Variants in ATXN1 observed in about 807,000 individuals in gnomAD.
ATXN1 encodes the protein ataxin 1.
A neutral mutation model predicts 56.4 loss-of-function variants in ATXN1; 8 were observed. That is an observed-to-expected ratio of 0.14 (90% CI 0.08 to 0.26). The LOEUF (loss-of-function observed/expected upper bound fraction) is 0.26, where lower values mean the gene tolerates loss of function less well. ATXN1 is among the 10% of genes least tolerant of loss of function. ATXN1 has a pLI of 1.00. For missense variants in ATXN1, 987 were observed against 1,106.5 expected, an observed-to-expected ratio of 0.89 and a Z score of 1.53; for synonymous variants, 514 against 494.6, an observed-to-expected ratio of 1.04 and a Z score of -0.52.
At chr6:16,441,604 G>C (rs1055061068) in intron 6 of ATXN1, among the ~76,000 whole-genome samples, 2 of 151,904 alleles carry the variant, frequency 1.3e-5, no homozygotes, top group Admixed American at 1.3e-4. Context: ...AGAGATAAAG[G>C]AACACTAATC....
chr6:16,537,726 A>T (rs372008109), intron 4 of ATXN1, among the ~76,000 whole-genome samples: 53 of 151,912 alleles, frequency 3.5e-4, no homozygotes, highest in African/African-American at 1.2e-3. Flanking sequence ...AAAAAAAGAA[A>T]AAAAGAAAAA....
At chr6:16,454,496 C>G (rs926784499) in intron 6 of ATXN1, among the ~76,000 whole-genome samples, 1 of 152,184 alleles carries the variant, frequency 6.6e-6, no homozygotes, top group African/African-American at 2.4e-5. Flanking sequence ...TTGGATATAC[C>G]TGTAGCCCAT....
intron 5 of ATXN1, among the ~76,000 whole-genome samples, chr6:16,516,107 G>A (rs547798651): frequency 2.1e-3 from 323 of 152,300 alleles, no homozygotes; most frequent in Non-Finnish European, 4.1e-3. Context: ...TAATTTGCCC[G>A]TGTCCTTATG....
At chr6:16,606,787 C>T (rs1763014862) in intron 3 of ATXN1, among the ~76,000 whole-genome samples, 1 of 151,722 alleles carries the variant, frequency 6.6e-6, no homozygotes, top group South Asian at 2.1e-4. Context: ...CTCAGCCTCC[C>T]GAAGTGCTGG....
At chr6:16,610,616 G>A (rs559921882) in intron 3 of ATXN1, among the ~76,000 whole-genome samples, 1 of 152,164 alleles carries the variant, frequency 6.6e-6, no homozygotes, top group East Asian at 1.9e-4. Context: ...ATCCCAAGGA[G>A]CAACAAAAAC....
chr6:16,659,191 A>G (rs1281929048), intron 2 of ATXN1, among the ~76,000 whole-genome samples: 1 of 152,222 alleles, frequency 6.6e-6, no homozygotes, highest in Non-Finnish European at 1.5e-5. Context: ...CAACTGCCTG[A>G]AAATGGCAAA....
At chr6:16,704,430 TC>T (rs1297493655) in intron 2 of ATXN1, among the ~76,000 whole-genome samples, 1 of 151,734 alleles carries the variant, frequency 6.6e-6, no homozygotes, top group Non-Finnish European at 1.5e-5. Flanking sequence ...TCTGTACAGA[TC>T]AAAATCTCAA....
intron 6 of ATXN1, among the ~76,000 whole-genome samples, chr6:16,337,546 G>T (rs1349836684): frequency 6.6e-6 from 1 of 152,246 alleles, no homozygotes; most frequent in Non-Finnish European, 1.5e-5. Context: ...GATCCAAGCT[G>T]GTCCCAAATG....
intron 4 of ATXN1, among the ~76,000 whole-genome samples, chr6:16,544,873 G>A (rs1036612010): frequency 5.3e-5 from 8 of 152,146 alleles, no homozygotes; most frequent in African/African-American, 1.4e-4. Context: ...TGTAGGTGGG[G>A]AGGTGGTGTG....
chr6:16,502,844 T>C (rs570612007), intron 5 of ATXN1, among the ~76,000 whole-genome samples: 1 of 152,338 alleles, frequency 6.6e-6, no homozygotes, highest in Non-Finnish European at 1.5e-5. Context: ...CTTATGACAG[T>C]AGTATAATGA....
At chr6:16,429,425 G>GTTT (rs3072201) in intron 6 of ATXN1, among the ~76,000 whole-genome samples, 2,074 of 105,944 alleles carry the variant, frequency 0.02, 80 homozygotes, top group Middle Eastern at 0.024. Context: ...TTTTTTGTTC[G>GTTT]TTTTTTTTTT....
chr6:16,634,876 G>A (rs1046109425), intron 3 of ATXN1, among the ~76,000 whole-genome samples: 1 of 152,154 alleles, frequency 6.6e-6, no homozygotes, highest in Non-Finnish European at 1.5e-5. Context: ...GAAAATGTCT[G>A]TAGCTTTCAT....
intron 4 of ATXN1, among the ~76,000 whole-genome samples, chr6:16,537,153 A>C (rs904451557): frequency 1.3e-5 from 2 of 152,284 alleles, no homozygotes; most frequent in Middle Eastern, 3.4e-3. Context: ...CTTTTATAAA[A>C]GGTAAAATCT....
At chr6:16,733,888 C>T (rs1464396096) in intron 2 of ATXN1, among the ~76,000 whole-genome samples, 1 of 152,012 alleles carries the variant, frequency 6.6e-6, no homozygotes, top group Non-Finnish European at 1.5e-5. Context: ...TGGCTCATGC[C>T]TGTAATCTCA....
chr6:16,584,519 C>A (rs1413975735), intron 4 of ATXN1, among the ~76,000 whole-genome samples: 2 of 151,730 alleles, frequency 1.3e-5, no homozygotes, highest in Non-Finnish European at 2.9e-5. Context: ...CCCTTCTACT[C>A]CTTCTGGATT....
At chr6:16,455,007 C>T (rs540615102) in intron 6 of ATXN1, among the ~76,000 whole-genome samples, 50 of 152,172 alleles carry the variant, frequency 3.3e-4, no homozygotes, top group Middle Eastern at 3.4e-3. Flanking sequence ...AAAGGGAATG[C>T]GAGAGGATAT....
intron 7 of ATXN1, among the ~76,000 whole-genome samples, chr6:16,308,304 C>A (rs369094324): frequency 5.5e-5 from 8 of 144,660 alleles, no homozygotes; most frequent in East Asian, 4.9e-4. Flanking sequence ...CCAGCCTGGG[C>A]GACAGAGTGA....
chr6:16,342,687 C>T (rs1263630227), intron 6 of ATXN1, among the ~76,000 whole-genome samples: 1 of 152,248 alleles, frequency 6.6e-6, no homozygotes, highest in Non-Finnish European at 1.5e-5. Context: ...ATTCATCCCC[C>T]TCTCCTTACA....
chr6:16,309,884 A>G (rs1039491060), intron 7 of ATXN1, among the ~76,000 whole-genome samples: 6 of 152,030 alleles, frequency 3.9e-5, no homozygotes, highest in Non-Finnish European at 7.4e-5. Flanking sequence ...AAATGCAAAA[A>G]TTAGCTGGGC....
Sources: allele counts gnomAD v4.1 joint callset (sites outside exome capture counted in the v4.1 genomes callset), GRCh38; gene constraint gnomAD v4.1.1; transcripts MANE v1.5; gene names NCBI Gene and HGNC (gene_info 2026-07-23, HGNC 2026-07-21).